Variants in TAF1A observed in about 807,000 individuals in gnomAD.
TAF1A encodes TATA box-binding protein-associated factor RNA polymerase I subunit A.
TAF1A carries 42 observed loss-of-function variants against 61.6 expected under a neutral mutation model. That is an observed-to-expected ratio of 0.68 (90% confidence interval 0.53 to 0.88). The LOEUF (loss-of-function observed/expected upper bound fraction) is 0.88. Ranked by LOEUF, TAF1A falls within the 40% of genes least tolerant of loss-of-function variation. The pLI is 0.00. For missense variants in TAF1A, 424 were observed against 518.7 expected (o/e 0.82, Z 1.77); for synonymous variants, 179 against 177.7 (o/e 1.01, Z -0.06).
chr1:222,558,791 TAA>T lies in TAF1A; in HGVS notation c.1241-21_1241-20del. ...CTACAACCTAAAAAGTTAAGCAAAA[TAA>T]AAAGTTTTAATACTCATCACATTTT... On this transcript the variant is annotated intron_variant, in intron 10 of 10. Transcript: ENST00000352967. 1 of 1,353,278 alleles carries T rather than the reference TAA, an allele frequency of 7.4e-7. No individual in the cohort carries two copies. Among genetic ancestry groups the T allele is most frequent in the Non-Finnish European group, 1.0e-6 (1 of 991,614 alleles). The allele number at this position is 1,353,278 out of a possible 1,614,324, so 83.8% of individuals were successfully genotyped here.
chr1:222,579,822 G>A lies in TAF1A; in HGVS notation c.342C>T (p.Asn114=). 2 of 1,610,974 alleles carry A rather than the reference G, an allele frequency of 1.2e-6. No homozygotes were observed. Among genetic ancestry groups the A allele is most frequent in the Non-Finnish European group, 1.7e-6 (2 of 1,179,234 alleles). Reference sequence around the variant, plus strand: ...TAGCAAAAGTATTGAAACTCTCCATGTTGCTTTTGGGATGATAAAATAGAA... The same window carrying A: ...TAGCAAAAGTATTGAAACTCTCCATATTGCTTTTGGGATGATAAAATAGAA... ...SEILFYHPKS[N]MESFNTFANR... is the part of the protein sequence containing the mutation. The change falls in exon 4 of 11, where the codon AAC becomes AAT. Residue 114 remains asparagine, a synonymous_variant. Coordinates refer to ENST00000352967, the MANE Select transcript of TAF1A (RefSeq NM_005681.4).
intron 3 of TAF1A, among the ~76,000 whole-genome samples, chr1:222,580,987 C>T (rs1350826457): frequency 1.3e-5 from 2 of 152,026 alleles, no homozygotes; most frequent in African/African-American, 2.4e-5. Flanking sequence ...CCCGTCTCTA[C>T]TAAAAATACA....
intron 7 of TAF1A, among the ~76,000 whole-genome samples, chr1:222,564,419 T>C (rs1660039921): frequency 1.3e-5 from 2 of 151,360 alleles, no homozygotes; most frequent in African/African-American, 4.8e-5. Flanking sequence ...TCTATACTGT[T>C]TACCACGCTC....
rs138686111 is a variant in TAF1A at position 222,578,711 on chromosome 1, T to C, written c.405+1048A>G. 5.0e-3 allele frequency among the ~76,000 whole-genome samples: 766 copies of C among 152,312 alleles called. 9 individuals are homozygous for C. The highest frequency in any genetic ancestry group is 0.018 in the African/African-American group (729 of 41,574). On this transcript the variant is annotated intron_variant, in intron 4 of 10. Coordinates refer to ENST00000352967, the MANE Select transcript of TAF1A (RefSeq NM_005681.4). The stretch of plus-strand genomic sequence containing the variant: ...CCAGAGAACTGGCCATTTTCTCCTT[T>C]ATCTTCTCACCATTTGTTACATTTC...
chr1:222,581,015 C>T (rs1012897687), intron 3 of TAF1A, among the ~76,000 whole-genome samples: 2 of 151,930 alleles, frequency 1.3e-5, no homozygotes, highest in Non-Finnish European at 2.9e-5. Context: ...AGCCAGGCGT[C>T]GTGGCGGGAG....
At chr1:222,557,242 C>T (rs1659740711), downstream of TAF1A, among the ~76,000 whole-genome samples, 1 of 152,140 alleles carries the variant, frequency 6.6e-6, no homozygotes, top group Non-Finnish European at 1.5e-5. Context: ...AAAGCCAAGA[C>T]ATTTCTGAAG....
At chr1:222,584,634 T>C (rs1056532776) in intron 2 of TAF1A, among the ~76,000 whole-genome samples, 16 of 152,276 alleles carry the variant, frequency 1.1e-4, no homozygotes, top group Admixed American at 1.0e-3. Context: ...GTATTTAGAA[T>C]GGGTAAAATG....
chr1:222,586,792 T>C (rs768750575), intron 2 of TAF1A, among the ~76,000 whole-genome samples: 7 of 152,222 alleles, frequency 4.6e-5, no homozygotes, highest in Admixed American at 2.6e-4. Flanking sequence ...AGCCAAAAGA[T>C]ATCTACCAGC....
At chr1:222,580,650 C>CA (rs1195930352) in intron 3 of TAF1A, among the ~76,000 whole-genome samples, 13 of 151,710 alleles carry the variant, frequency 8.6e-5, no homozygotes, top group Admixed American at 5.9e-4. Context: ...CTTCCCAACT[C>CA]AGAGATATCA....
At chr1:222,575,960 T>C (rs2102662756) in intron 5 of TAF1A, among the ~76,000 whole-genome samples, 1 of 152,280 alleles carries the variant, frequency 6.6e-6, no homozygotes, top group Non-Finnish European at 1.5e-5. Flanking sequence ...ACCTAATCAA[T>C]GAGTAAGTTT....
intron 2 of TAF1A, 112 bp downstream of exon 2, chr1:222,588,331 C>A: frequency 5.2e-6 from 7 of 1,342,852 alleles, no homozygotes; most frequent in Non-Finnish European, 5.0e-6. Context: ...CCAAAAAACC[C>A]TCCACATATT....
chr1:222,579,010 T>C (rs1309710378), intron 4 of TAF1A, among the ~76,000 whole-genome samples: 2 of 152,190 alleles, frequency 1.3e-5, no homozygotes, highest in African/African-American at 4.8e-5. Flanking sequence ...ATTAAATGGC[T>C]ATCCAGTTTA....
intron 5 of TAF1A, 68 bp from the exon 6 acceptor site, chr1:222,570,733 A>T (rs1660318381): frequency 6.9e-7 from 1 of 1,443,788 alleles, no homozygotes; most frequent in Admixed American, 2.2e-5. Context: ...TTAGTAATTT[A>T]AAAAACTATC....
At chr1:222,578,172 G>C (rs1207135269) in intron 4 of TAF1A, among the ~76,000 whole-genome samples, 3 of 152,248 alleles carry the variant, frequency 2.0e-5, no homozygotes, top group Non-Finnish European at 2.9e-5. Context: ...CAGATGGAGA[G>C]GAAAGTGTAT....
In TAF1A at chr1:222,570,620, T is replaced by C. The variant is rs768640195; in HGVS notation, c.650A>G (p.Asn217Ser). 34 of 1,612,704 alleles carry C rather than the reference T, an allele frequency of 2.1e-5. No homozygotes were observed. The highest frequency in any genetic ancestry group is 2.7e-5 in the Non-Finnish European group (32 of 1,179,090). ...ATTTGCAGATGTCTTCCAGCTGTGG[T>C]TGAACACATCCTGGGCTACTGCATT... ...AYNAVAQDVF[N>S]HSWKTSANIS... The change falls in exon 6 of 11, where the codon AAC becomes AGC. Residue 217 changes from asparagine (N) to serine (S), a missense_variant. Coordinates refer to ENST00000352967, the MANE Select transcript of TAF1A (RefSeq NM_005681.4).
At chr1:222,559,812 C>T (rs1001687547) in intron 10 of TAF1A, among the ~76,000 whole-genome samples, 2 of 152,012 alleles carry the variant, frequency 1.3e-5, no homozygotes, top group South Asian at 4.1e-4. Context: ...CCACCGCACC[C>T]AGCTAGTAAC....
chr1:222,562,123 A>G (rs887100412), intron 9 of TAF1A, among the ~76,000 whole-genome samples: 10 of 152,224 alleles, frequency 6.6e-5, no homozygotes, highest in African/African-American at 2.4e-4. Context: ...AAGTGCAGGC[A>G]ATTCTGTGTG....
intron 5 of TAF1A, among the ~76,000 whole-genome samples, chr1:222,575,687 G>A (rs1558149143): frequency 6.6e-6 from 1 of 152,190 alleles, no homozygotes; most frequent in Admixed American, 6.5e-5. Context: ...AAGTGCCCAT[G>A]AGTTTGGTTA....
At chr1:222,559,013 GA>G (rs1167890687) in intron 10 of TAF1A, among the ~76,000 whole-genome samples, 4 of 152,024 alleles carry the variant, frequency 2.6e-5, no homozygotes, top group Non-Finnish European at 5.9e-5. Flanking sequence ...TGTGCCCAAC[GA>G]AACATATTTC....
Sources: allele counts gnomAD v4.1 joint callset (sites outside exome capture counted in the v4.1 genomes callset), GRCh38; gene constraint gnomAD v4.1.1; transcripts MANE v1.5; gene names NCBI Gene and HGNC (gene_info 2026-07-23, HGNC 2026-07-21).